Variants in INPP5D observed in about 807,000 individuals in gnomAD.
INPP5D encodes the protein inositol polyphosphate-5-phosphatase D, also known as phosphatidylinositol 3,4,5-trisphosphate 5-phosphatase 1.
INPP5D carries 33 observed loss-of-function variants against 122.9 expected under a neutral mutation model. That is an observed-to-expected ratio of 0.27 (90% CI 0.20 to 0.36). The LOEUF is 0.36. INPP5D is among the 10% of genes least tolerant of loss of function. The probability of loss-of-function intolerance (pLI) is 1.00; values close to 1 mark genes in which losing one functional copy is unlikely to be tolerated. For missense variants in INPP5D, 1,053 were observed against 1,412.7 expected (o/e 0.75, Z 4.08); for synonymous variants, 584 against 576.2 (o/e 1.01, Z -0.19).
rs1342348960 is a variant in INPP5D, at chr2:233,146,181, C to T, written c.773C>T (p.Pro258Leu). ...PRPQVPGEAN[P>L]INMVSKLSQL... ...TCCCAGGTTCCTGGTGAGGCCAATC[C>T]CATCAACATGGTGTCCAAGCTCAGC... is the stretch of plus-strand genomic sequence containing the variant. The change falls in exon 7 of 27, where the codon CCC becomes CTC. Residue 258 changes from proline (P) to leucine (L), a missense_variant. Physicochemically the swap from Pro to Leu is moderately conservative, Grantham distance 98. Transcript: ENST00000445964. 1.4e-6 allele frequency: 1 copy of T among 704,092 alleles called. No individual in the cohort carries two copies. The highest frequency in any genetic ancestry group is 2.6e-6 in the Non-Finnish European group (1 of 385,012). The allele number at this position is 704,092 out of a possible 1,614,324, so 43.6% of individuals were successfully genotyped here. A position where few individuals can be genotyped will look rare whatever the true frequency, so the allele number is the denominator to read the frequency against.
At chr2:233,184,561 G>A (rs760871108) in intron 20 of INPP5D, 40 bp downstream of exon 20, 42 of 1,609,082 alleles carry the variant, frequency 2.6e-5, no homozygotes, top group African/African-American at 8.0e-5. Context: ...AGAACTGCCC[G>A]GAGCCTTCTT....
chr2:233,193,077 G>T (rs1695094352), intron 22 of INPP5D, among the ~76,000 whole-genome samples: 1 of 152,218 alleles, frequency 6.6e-6, no homozygotes, highest in Non-Finnish European at 1.5e-5. Context: ...TTCGTAGAGA[G>T]GGGGTTTCAA....
chr2:233,196,623 A>C (rs1308150939), intron 24 of INPP5D, among the ~76,000 whole-genome samples: 1 of 152,316 alleles, frequency 6.6e-6, no homozygotes, highest in East Asian at 1.9e-4. Context: ...GACTGAACTG[A>C]GAATAGTACA....
In INPP5D at chr2:233,161,800, C is replaced by G; in HGVS notation, c.1214C>G (p.Thr405Ser). 6.2e-7 allele frequency: 1 copy of G among 1,613,628 alleles called. No individual in the cohort carries two copies. The highest frequency in any genetic ancestry group is 8.5e-7 in the Non-Finnish European group (1 of 1,179,770). The change falls in exon 11 of 27, where the codon ACC becomes AGC. Residue 405 changes from threonine (T) to serine (S), a missense_variant. Around this residue, in one of 6 missense-constraint regions of INPP5D, gnomAD observed 105 missense variants for 199.8 expected, o/e 0.53. Transcript: ENST00000445964. Reference sequence around the variant, plus strand: ...GAGCAGCCGGAGCCCGACATGATCACCATCTTCATCGGCACCTGGAACATG... The same window carrying G: ...GAGCAGCCGGAGCCCGACATGATCAGCATCTTCATCGGCACCTGGAACATG... ...HSEQPEPDMITIFIGTWNMGN... is the reference protein window; with the variant it reads ...HSEQPEPDMISIFIGTWNMGN...
At chr2:233,065,642 TCTTTC>T (rs1691200299) in intron 1 of INPP5D, among the ~76,000 whole-genome samples, 1 of 12,338 alleles carries the variant, frequency 8.1e-5, no homozygotes, top group Non-Finnish European at 1.4e-4. Flanking sequence ...TTTCTTTCTT[TCTTTC>T]TTTCTTTTTT....
intron 18 of INPP5D, among the ~76,000 whole-genome samples, chr2:233,178,199 A>AG (rs1430521546): frequency 6.6e-6 from 1 of 152,134 alleles, no homozygotes; most frequent in Non-Finnish European, 1.5e-5. Context: ...CAATAGGCTG[A>AG]GGGGGGAGGA....
chr2:233,130,648 G>T lies in INPP5D; in HGVS notation c.665G>T (p.Gly222Val), dbSNP rs1310752261. The T allele has an allele frequency of 1.9e-6, 3 of 1,613,890 alleles. No homozygotes were observed. In the Admixed American group the frequency reaches 5.0e-5, roughly 27 times the overall value. Residue 222 changes from glycine (G) to valine (V), a missense_variant and splice_region_variant, in exon 5 of 27, where the codon GGA becomes GTA. Coordinates refer to ENST00000445964, the MANE Select transcript of INPP5D (RefSeq NM_001017915.3). The part of the protein sequence containing the change: ...LTTLLCKELY[G>V]EVIRTLPSLE... ...ACACTGCTCTGCAAGGAGCTCTATGGGTAATGGCTGGCCCACGGGGGCGGG... is the reference window on the plus strand; with the variant it reads ...ACACTGCTCTGCAAGGAGCTCTATGTGTAATGGCTGGCCCACGGGGGCGGG...
At chr2:233,123,156 A>G (rs1341300063) in intron 3 of INPP5D, among the ~76,000 whole-genome samples, 1 of 152,096 alleles carries the variant, frequency 6.6e-6, no homozygotes, top group Non-Finnish European at 1.5e-5. Context: ...AAATATGTTG[A>G]AAAAAATGTA....
rs1694484706 is a variant in INPP5D at position 233,171,115 on chromosome 2, G to A, written c.1952G>A (p.Arg651Gln). ...APTYRFERLT[R>Q]DKYAYTKQKA... is the part of the protein sequence containing the mutation. The stretch of plus-strand genomic sequence containing the variant: ...ACCTACCGTTTTGAGAGACTGACTC[G>A]GGACAAATACGCCTACACCAAGCAG... Residue 651 changes from arginine (R) to glutamine (Q), a missense_variant, in exon 17 of 27, where the codon CGG (arginine) becomes CAG (glutamine). Arg to Gln is a conservative substitution (Grantham distance 43). Transcript: ENST00000445964. The A allele has an allele frequency of 1.2e-6, 2 of 1,613,698 alleles. No homozygotes were observed. Among genetic ancestry groups the A allele is most frequent in the Non-Finnish European group, 1.7e-6 (2 of 1,179,838 alleles).
chr2:233,089,835 C>A (rs1489023733), intron 2 of INPP5D, among the ~76,000 whole-genome samples: 1 of 152,296 alleles, frequency 6.6e-6, no homozygotes, highest in East Asian at 1.9e-4. Context: ...GACTCTGAAC[C>A]CCAGATTTTT....
rs747528067 is a variant in INPP5D, at chr2:233,204,421, T to C, written c.3271T>C (p.Ser1091Pro). ...PRLRSFTCSS[S>P]AEGRAAGGDK... Reference sequence around the variant, plus strand: ...GCTGCGCTCCTTCACGTGCTCATCCTCTGCCGAGGGCAGGGCGGCCGGCGG... The same window carrying C: ...GCTGCGCTCCTTCACGTGCTCATCCCCTGCCGAGGGCAGGGCGGCCGGCGG... The change falls in exon 26 of 27, where the codon TCT becomes CCT. Residue 1091 changes from serine (S) to proline (P), a missense_variant. Coordinates refer to ENST00000445964, the MANE Select transcript of INPP5D (RefSeq NM_001017915.3). The C allele has an allele frequency of 1.2e-6, 2 of 1,609,008 alleles. No individual in the cohort carries two copies. Among genetic ancestry groups the C allele is most frequent in the Admixed American group, 1.7e-5 (1 of 59,564 alleles).
chr2:233,123,368 C>T (rs1463810477), intron 3 of INPP5D, among the ~76,000 whole-genome samples: 3 of 151,520 alleles, frequency 2.0e-5, no homozygotes, highest in Non-Finnish European at 2.9e-5. Flanking sequence ...GCAGAAGAAT[C>T]GCTTGAACCC....
rs1459515157 is a variant in INPP5D at position 233,206,227 on chromosome 2, G to A, written c.3568-479G>A. Among the ~76,000 whole-genome samples, 1 of 151,688 alleles carries A rather than the reference G, an allele frequency of 6.6e-6. No homozygotes were observed. Among genetic ancestry groups the A allele is most frequent in the African/African-American group, 2.4e-5 (1 of 41,250 alleles). ...ACTTAGAAGGAGAATTGCATTGTAG[G>A]CTATTATGTATTATTACCATGTATT... On this transcript the variant is annotated intron_variant, in intron 26 of 26. Coordinates refer to ENST00000445964, the MANE Select transcript of INPP5D (RefSeq NM_001017915.3). This position sits in a 1 kb window ranked among gnomAD's most constrained non-coding sequence, Gnocchi z 4.0.
At chr2:233,184,773 C>T (rs1694867490) in intron 20 of INPP5D, among the ~76,000 whole-genome samples, 1 of 152,160 alleles carries the variant, frequency 6.6e-6, no homozygotes, top group Admixed American at 6.5e-5. Context: ...TTGTAGGTGG[C>T]AAGCAGGGTC....
Position 233,116,747 on chromosome 2 carries a change from C to T in INPP5D, c.199-5360C>T, listed in dbSNP as rs557689818. 5.9e-5 allele frequency among the ~76,000 whole-genome samples: 9 copies of T among 152,176 alleles called. No homozygotes were observed. The East Asian group carries it at 1.4e-3, about 23-fold the overall frequency. On this transcript the variant is annotated intron_variant, in intron 2 of 26. Coordinates refer to ENST00000445964, the MANE Select transcript of INPP5D (RefSeq NM_001017915.3). ...GAGTAGCTGGGATTACAGGCGCCTG[C>T]CACTGCACCTGGCTAATTTTTGTAT...
At position 233,146,327 on chromosome 2, in the gene INPP5D, C is replaced by T. The variant is rs766135487; in HGVS notation, c.835-40C>T. On this transcript the variant is annotated intron_variant, in intron 7 of 26. Transcript: ENST00000445964. ...AGAATGCCCAGATGCACAGGCTCGGCGTCCCCTTGACCCTCTGTCTCTAAC... is the reference window on the plus strand; with the variant it reads ...AGAATGCCCAGATGCACAGGCTCGGTGTCCCCTTGACCCTCTGTCTCTAAC... 4.7e-5 allele frequency: 33 copies of T among 704,286 alleles called. No individual in the cohort carries two copies. The Middle Eastern group carries it at 9.2e-4, about 20-fold the overall frequency. The allele number at this position is 704,286 out of a possible 1,614,324, so 43.6% of individuals were successfully genotyped here.
intron 21 of INPP5D, among the ~76,000 whole-genome samples, chr2:233,186,729 T>C (rs1694928820): frequency 1.5e-5 from 1 of 67,742 alleles, no homozygotes; most frequent in African/African-American, 7.0e-5. Context: ...TTTTTTTTTT[T>C]TTTTTTTTTT....
At chr2:233,091,164 A>G (rs886512131) in intron 2 of INPP5D, among the ~76,000 whole-genome samples, 2 of 152,122 alleles carry the variant, frequency 1.3e-5, no homozygotes, top group African/African-American at 4.8e-5. Flanking sequence ...TCAGGTCACT[A>G]TGTGGCTGAC....
rs1325186736 is a variant in INPP5D, at chr2:233,201,553, C to G, written c.2976-2573C>G. On this transcript the variant is annotated intron_variant, in intron 25 of 26. Transcript: ENST00000445964. ...CCGCTGCTCCAGGTCCCAGGCTCAG[C>G]CAGAGCAAAGGCTGTGGAAGGGGGT... Among the ~76,000 whole-genome samples the G allele has an allele frequency of 2.0e-5, 3 of 152,224 alleles. No individual in the cohort carries two copies. The East Asian group carries it at 5.8e-4, about 29-fold the overall frequency.
Sources: allele counts gnomAD v4.1 joint callset (sites outside exome capture counted in the v4.1 genomes callset), GRCh38; gene constraint gnomAD v4.1.1; regional missense constraint gnomAD v4.1.1; non-coding constraint Gnocchi (gnomAD v3.1); transcripts MANE v1.5; gene names NCBI Gene and HGNC (gene_info 2026-07-23, HGNC 2026-07-21).